The following ALX4 variants were observed in gnomAD, a reference collection of about 807,000 sequenced individuals.
ALX4 encodes ALX homeobox 4, also known as homeobox protein aristaless-like 4.
ALX4 carries 22 observed loss-of-function variants against 40.6 expected under a neutral mutation model. The ratio of observed to expected loss-of-function variants is 0.54; its 90% CI spans 0.39 to 0.77. The LOEUF (loss-of-function observed/expected upper bound fraction) is 0.77, where lower values mean the gene tolerates loss of function less well. Ranked by LOEUF, ALX4 falls within the 30% of genes least tolerant of loss-of-function variation. The pLI is 0.00. For missense variants in ALX4, 556 were observed against 564.8 expected, an observed-to-expected ratio of 0.98 and a Z score of 0.16; for synonymous variants, 266 against 240.5, an observed-to-expected ratio of 1.11 and a Z score of -0.98.
In ALX4 at chr11:44,309,950, G is replaced by A. The variant is rs1201859491; in HGVS notation, c.113C>T (p.Pro38Leu). The A allele has an allele frequency of 1.3e-6, 2 of 1,594,648 alleles. No homozygotes were observed. Among genetic ancestry groups the A allele is most frequent in the Non-Finnish European group, 1.7e-6 (2 of 1,170,474 alleles). The change falls in exon 1 of 4, where the codon CCC (proline) becomes CTC (leucine). Residue 38 changes from proline to leucine, a missense_variant. Transcript: ENST00000652299. ...REGSSPFRAF[P>L]GGDKFGTTFL... ...AGTTGTGCCGAACTTGTCGCCTCCG[G>A]GAAATGCCCTAAAAGGCGACGAGCC...
rs553774906 is a variant in ALX4 at position 44,290,868 on chromosome 11, T to A, written c.467-15210A>T. The stretch of plus-strand genomic sequence containing the variant: ...GACTGAAGTAGAGTGCAAGACGGCA[T>A]ATCCCCTGACCCACACACGGCACCC... On this transcript the variant is annotated intron_variant, in intron 1 of 3. Transcript: ENST00000652299. 6.6e-4 allele frequency among the ~76,000 whole-genome samples: 101 copies of A among 152,274 alleles called. 1 individual carries two copies. The South Asian group carries it at 0.02, about 30-fold the overall frequency.
At position 44,264,311 on chromosome 11, in the gene ALX4, G is replaced by T. The variant is rs568270311; in HGVS notation, c.*543C>A. 3.1e-5 allele frequency: 5 copies of T among 159,614 alleles called. No homozygotes were observed. The highest frequency in any genetic ancestry group is 6.9e-5 in the Non-Finnish European group (5 of 72,908). The allele number at this position is 159,614 out of a possible 1,614,324, so 9.9% of individuals were successfully genotyped here. The stretch of plus-strand genomic sequence containing the variant: ...TGTTCGGGGGGAGGTGGAGGCTGGC[G>T]CCTTGGCCCCAGCAGGTCGGATTCC... On this transcript the variant is annotated 3_prime_UTR_variant, in exon 4 of 4. Transcript: ENST00000652299.
intron 1 of ALX4, among the ~76,000 whole-genome samples, chr11:44,308,029 C>G (rs1299864951): frequency 6.6e-6 from 1 of 152,102 alleles, no homozygotes; most frequent in African/African-American, 2.4e-5. Context: ...GATCTCATTC[C>G]AACTGGAGGT....
intron 1 of ALX4, among the ~76,000 whole-genome samples, chr11:44,288,533 C>T (rs1430158149): frequency 2.0e-5 from 3 of 152,130 alleles, no homozygotes; most frequent in African/African-American, 7.2e-5. Flanking sequence ...TACCTGGCAA[C>T]CTCCCCGCCT....
intron 1 of ALX4, among the ~76,000 whole-genome samples, chr11:44,280,216 A>G (rs921009348): frequency 1.3e-5 from 2 of 152,252 alleles, no homozygotes; most frequent in Admixed American, 1.3e-4. Flanking sequence ...CGATGTCTCC[A>G]TGCAGAGAGC....
At chr11:44,301,045 G>A (rs1435111690) in intron 1 of ALX4, among the ~76,000 whole-genome samples, 3 of 152,244 alleles carry the variant, frequency 2.0e-5, no homozygotes, top group African/African-American at 7.2e-5. Context: ...TCACTTGTCT[G>A]TCTCTGCCTC....
chr11:44,279,289 T>C (rs1956295474), intron 1 of ALX4, among the ~76,000 whole-genome samples: 1 of 152,170 alleles, frequency 6.6e-6, no homozygotes, highest in Non-Finnish European at 1.5e-5. Flanking sequence ...CCTGCGGACA[T>C]TGGGAGGCTA....
chr11:44,279,831 G>A (rs903458059), intron 1 of ALX4, among the ~76,000 whole-genome samples: 1 of 152,198 alleles, frequency 6.6e-6, no homozygotes, highest in African/African-American at 2.4e-5. Flanking sequence ...GTTCCCCAGG[G>A]GCTGGGACCT....
chr11:44,284,348 G>T (rs952868457), intron 1 of ALX4, among the ~76,000 whole-genome samples: 2 of 152,150 alleles, frequency 1.3e-5, no homozygotes, highest in African/African-American at 4.8e-5. Flanking sequence ...TCTGTGCTGT[G>T]GGATTATGGG....
Position 44,264,981 on chromosome 11 carries a change from G to T in ALX4, c.1109C>A (p.Ala370Glu). The change falls in exon 4 of 4, where the codon GCA (alanine) becomes GAA (glutamate). Residue 370 changes from alanine (A) to glutamate (E), a missense_variant. Ala to Glu is a moderately radical substitution (Grantham distance 107). Coordinates refer to ENST00000652299, the MANE Select transcript of ALX4 (RefSeq NM_021926.4). ...GQTHMGSLFG[A>E]ASLSPGLNGY... ...ATTGAGGCCTGGGCTGAGGCTGGCT[G>T]CTCCAAACAGGCTGCCCATGTGCGT... 6.2e-7 allele frequency: 1 copy of T among 1,613,162 alleles called. No individual in the cohort carries two copies. The highest frequency in any genetic ancestry group is 8.5e-7 in the Non-Finnish European group (1 of 1,179,946).
At chr11:44,287,468 A>C (rs1015097791) in intron 1 of ALX4, among the ~76,000 whole-genome samples, 2 of 151,918 alleles carry the variant, frequency 1.3e-5, no homozygotes, top group Admixed American at 6.6e-5. Flanking sequence ...AAGAATCAAT[A>C]ACTGTTAAGA....
At chr11:44,286,646 C>A (rs1956340314) in intron 1 of ALX4, among the ~76,000 whole-genome samples, 1 of 152,200 alleles carries the variant, frequency 6.6e-6, no homozygotes, top group Non-Finnish European at 1.5e-5. Flanking sequence ...TACGCGTCTG[C>A]CACCATTCCA....
intron 1 of ALX4, among the ~76,000 whole-genome samples, chr11:44,283,445 T>C (rs974952659): frequency 6.6e-6 from 1 of 152,214 alleles, no homozygotes; most frequent in Non-Finnish European, 1.5e-5. Context: ...ACGTTCATCA[T>C]GTCATAGTTT....
chr11:44,302,401 C>T (rs1405304184), intron 1 of ALX4, among the ~76,000 whole-genome samples: 1 of 152,214 alleles, frequency 6.6e-6, no homozygotes, highest in East Asian at 1.9e-4. Context: ...CTCCTGGGTG[C>T]ACTTAACCAT....
chr11:44,296,806 C>T (rs1956405235), intron 1 of ALX4, among the ~76,000 whole-genome samples: 1 of 151,846 alleles, frequency 6.6e-6, no homozygotes, highest in Non-Finnish European at 1.5e-5. Context: ...GTCAGGAGTT[C>T]AAGACCAGCC....
At chr11:44,273,955 TA>T (rs977540752) in intron 2 of ALX4, among the ~76,000 whole-genome samples, 3 of 151,572 alleles carry the variant, frequency 2.0e-5, no homozygotes, top group Non-Finnish European at 2.9e-5. Flanking sequence ...CCAGTCTCTT[TA>T]AAAAAAATAA....
chr11:44,265,729 T>C (rs1590685719), intron 3 of ALX4, among the ~76,000 whole-genome samples: 1 of 151,968 alleles, frequency 6.6e-6, no homozygotes, highest in South Asian at 2.1e-4. Flanking sequence ...GTGGCTGAGG[T>C]TCCAGGGCCT....
chr11:44,307,775 A>T (rs935532222), intron 1 of ALX4, among the ~76,000 whole-genome samples: 1 of 151,212 alleles, frequency 6.6e-6, no homozygotes, highest in African/African-American at 2.5e-5. Context: ...TTAGCACGGA[A>T]AGAGTGCCTG....
intron 1 of ALX4, among the ~76,000 whole-genome samples, chr11:44,303,185 C>G (rs75794715): frequency 6.6e-6 from 1 of 152,308 alleles, no homozygotes; most frequent in African/African-American, 2.4e-5. Flanking sequence ...CCTGGGTCAC[C>G]AGGTCCTGTC....
Sources: allele counts gnomAD v4.1 joint callset (sites outside exome capture counted in the v4.1 genomes callset), GRCh38; gene constraint gnomAD v4.1.1; transcripts MANE v1.5; gene names NCBI Gene and HGNC (gene_info 2026-07-23, HGNC 2026-07-21).